Variants in FBXL5 observed in about 807,000 individuals in gnomAD.
The protein encoded by FBXL5 is F-box and leucine rich repeat protein 5.
In FBXL5, 26 loss-of-function variants were observed where a neutral mutation model predicts 78.3. The ratio of observed to expected loss-of-function variants is 0.33; its 90% CI spans 0.24 to 0.46. The LOEUF (loss-of-function observed/expected upper bound fraction) is 0.46. FBXL5 is among the 20% of genes least tolerant of loss of function. The pLI, the probability that FBXL5 is intolerant of heterozygous loss-of-function variation, is 1.00. For synonymous variants in FBXL5, 295 were observed against 282.5 expected (o/e 1.04, Z -0.45); for missense variants, 710 against 829.2 (o/e 0.86, Z 1.77).
chr4:15,610,187 A>G (rs535042438), intron 10 of FBXL5, among the ~76,000 whole-genome samples: 6 of 152,214 alleles, frequency 3.9e-5, no homozygotes, highest in African/African-American at 1.4e-4. Context: ...AGATACTGGA[A>G]CAAGTGTCAT....
chr4:15,630,188 AC>A (rs1713476169), intron 6 of FBXL5, among the ~76,000 whole-genome samples: 1 of 152,176 alleles, frequency 6.6e-6, no homozygotes, highest in Admixed American at 6.5e-5. Flanking sequence ...GTAATCCCTT[AC>A]CATTTACAAA....
In FBXL5 at chr4:15,655,230, G is replaced by A; in HGVS notation, c.58C>T (p.Gln20Ter). Residue 20 changes from glutamine to a stop codon, truncating the protein, a stop_gained, in exon 1 of 11, where the codon CAG becomes TAG. Coordinates refer to ENST00000341285, the MANE Select transcript of FBXL5 (RefSeq NM_012161.4). LOFTEE classifies it high-confidence loss of function. Reference sequence around the variant, plus strand: ...TTGTCGCAGTAGAGCCCCACCAGCTGCTTCATCCGCCAGTGTGGGGCGGTG... The same window carrying A: ...TTGTCGCAGTAGAGCCCCACCAGCTACTTCATCCGCCAGTGTGGGGCGGTG... ...VFTAPHWRMK[Q>*]LVGLYCDKLS... The A allele has an allele frequency of 6.9e-7, 1 of 1,439,198 alleles. No individual in the cohort carries two copies. The highest frequency in any genetic ancestry group is 9.3e-7 in the Non-Finnish European group (1 of 1,076,114). The allele number at this position is 1,439,198 out of a possible 1,614,324, so 89.2% of individuals were successfully genotyped here.
At chr4:15,629,715 CT>C (rs1430598816) in intron 6 of FBXL5, among the ~76,000 whole-genome samples, 1 of 152,030 alleles carries the variant, frequency 6.6e-6, no homozygotes, top group Non-Finnish European at 1.5e-5. Context: ...CATTTTGAAT[CT>C]TTACATCAAA....
At chr4:15,656,718 T>A (rs537605619), upstream of FBXL5, among the ~76,000 whole-genome samples, 1 of 152,294 alleles carries the variant, frequency 6.6e-6, no homozygotes, top group Admixed American at 6.5e-5. Flanking sequence ...TATGCCTCAG[T>A]TTGCTCTGAC....
intron 1 of FBXL5, among the ~76,000 whole-genome samples, chr4:15,648,679 A>T (rs1387422291): frequency 6.6e-6 from 1 of 152,238 alleles, no homozygotes; most frequent in Non-Finnish European, 1.5e-5. Context: ...TCACAGAAGC[A>T]GAGAATATGA....
intron 10 of FBXL5, among the ~76,000 whole-genome samples, chr4:15,608,297 TCTC>T (rs1368902380): frequency 1.3e-5 from 2 of 151,902 alleles, no homozygotes; most frequent in Admixed American, 6.6e-5. Flanking sequence ...AAAAAGCTAT[TCTC>T]CTAGAGATTC....
intron 1 of FBXL5, 149 bp from the exon 2 acceptor site, chr4:15,644,857 A>T: frequency 1.6e-6 from 1 of 629,732 alleles, no homozygotes; most frequent in Non-Finnish European, 2.7e-6. Flanking sequence ...TCATAAATTA[A>T]CAAGTTATAA....
intron 9 of FBXL5, among the ~76,000 whole-genome samples, chr4:15,621,152 T>A (rs1712437008): frequency 6.6e-6 from 1 of 152,180 alleles, no homozygotes; most frequent in Non-Finnish European, 1.5e-5. Context: ...CAGTCTATTT[T>A]GGAAAATCAG....
intron 6 of FBXL5, among the ~76,000 whole-genome samples, chr4:15,628,938 A>T (rs1027732274): frequency 1.3e-5 from 2 of 151,952 alleles, no homozygotes; most frequent in Admixed American, 6.6e-5. Context: ...TAAATTTTTA[A>T]TTTTTTATTG....
At chr4:15,648,580 T>C (rs1245522335) in intron 1 of FBXL5, among the ~76,000 whole-genome samples, 1 of 152,156 alleles carries the variant, frequency 6.6e-6, no homozygotes, top group Non-Finnish European at 1.5e-5. Context: ...ACAACATAGA[T>C]GAACCTGGAA....
chr4:15,649,206 T>C (rs1715667518), intron 1 of FBXL5, among the ~76,000 whole-genome samples: 1 of 151,890 alleles, frequency 6.6e-6, no homozygotes, highest in Non-Finnish European at 1.5e-5. Flanking sequence ...TTAAAGATAC[T>C]ACCCAACTCA....
chr4:15,625,142 C>CT (rs1712899937), intron 9 of FBXL5, 110 bp downstream of exon 9: 1 of 1,282,588 alleles, frequency 7.8e-7, no homozygotes, highest in South Asian at 1.6e-5. Context: ...TTGGTTAATC[C>CT]TTTTTGCTAA....
intron 9 of FBXL5, among the ~76,000 whole-genome samples, chr4:15,617,387 CA>C (rs113588464): frequency 3.6e-4 from 52 of 143,120 alleles, no homozygotes; most frequent in Admixed American, 4.2e-4. Context: ...ACTAAAAATA[CA>C]AAAAAAAAAA....
At chr4:15,638,193 G>T (rs886102749) in intron 4 of FBXL5, among the ~76,000 whole-genome samples, 1 of 152,166 alleles carries the variant, frequency 6.6e-6, no homozygotes, top group Non-Finnish European at 1.5e-5. Context: ...CAACAATTTT[G>T]ACTGATCGAT....
At chr4:15,609,740 CAT>C (rs1308495821) in intron 10 of FBXL5, among the ~76,000 whole-genome samples, 7 of 151,900 alleles carry the variant, frequency 4.6e-5, no homozygotes, top group Non-Finnish European at 8.8e-5. Flanking sequence ...ATTTAAAAGT[CAT>C]AAAGAATCAT....
At chr4:15,675,063 A>G (rs1056384747) in intron 1 of FBXL5, among the ~76,000 whole-genome samples, 2 of 152,234 alleles carry the variant, frequency 1.3e-5, no homozygotes, top group Admixed American at 1.3e-4. Context: ...CTGCCACTAC[A>G]AAACACTTTA....
At chr4:15,615,665 G>T (rs7377825) in intron 9 of FBXL5, among the ~76,000 whole-genome samples, 40,519 of 147,916 alleles carry the variant, frequency 0.27, 5,660 homozygotes, top group East Asian at 0.46. Context: ...AGCTGCTCTG[G>T]TGGGGCCTTG....
chr4:15,622,052 T>G (rs1424440159), intron 9 of FBXL5, among the ~76,000 whole-genome samples: 3 of 152,172 alleles, frequency 2.0e-5, no homozygotes, highest in Admixed American at 2.0e-4. Flanking sequence ...GGGCTGGTCT[T>G]GAACTCCTGG....
Position 15,626,020 on chromosome 4 carries a change from T to G in FBXL5, c.1125-43A>C, listed in dbSNP as rs1231631306. The G allele has an allele frequency of 2.0e-6, 3 of 1,485,286 alleles. No individual in the cohort carries two copies. In the African/African-American group the frequency reaches 4.7e-5, roughly 23 times the overall value. 92.0% of individuals were successfully genotyped at this position (1,485,286 alleles called of 1,614,324 possible). A position where few individuals can be genotyped will look rare whatever the true frequency, so the allele number is the denominator to read the frequency against. ...GACTATTAATGAATATTGTTAAATT[T>G]TTCAAAAGCATTTGACTATATGCAT... On this transcript the variant is annotated intron_variant, in intron 8 of 10. Transcript: ENST00000341285.
Sources: gnomAD v4.1 joint callset for allele counts (sites outside exome capture counted in the v4.1 genomes callset) on GRCh38, gnomAD v4.1.1 for gene constraint, MANE v1.5 for transcripts, NCBI Gene and HGNC (gene_info 2026-07-23, HGNC 2026-07-21) for gene names.